Variants in DYSF observed in about 807,000 individuals in gnomAD.
DYSF encodes dysferlin, also known as dystrophy-associated fer-1-like 1.
A neutral mutation model predicts 274.9 loss-of-function variants in DYSF; 212 were observed. The ratio of observed to expected loss-of-function variants is 0.77; its 90% CI spans 0.69 to 0.86. DYSF has a LOEUF of 0.86. Ranked by LOEUF, DYSF falls within the 40% of genes least tolerant of loss-of-function variation. The probability of loss-of-function intolerance (pLI) is 0.00; values close to 1 mark genes in which losing one functional copy is unlikely to be tolerated. For missense variants in DYSF, 2,666 were observed against 2,783.2 expected (o/e 0.96, Z 0.95); for synonymous variants, 1,091 against 1,078.7 (o/e 1.01, Z -0.22).
intron 32 of DYSF, among the ~76,000 whole-genome samples, chr2:71,597,519 C>G (rs2093433380): frequency 6.6e-6 from 1 of 152,198 alleles, no homozygotes; most frequent in African/African-American, 2.4e-5. Context: ...CATTCTCCAG[C>G]CCACCCCGGC....
At chr2:71,667,256 C>A in intron 47 of DYSF, 120 bp from the exon 48 acceptor site, 1 of 1,428,652 alleles carries the variant, frequency 7.0e-7, no homozygotes, top group Non-Finnish European at 9.8e-7. Flanking sequence ...GGGGGTGAGG[C>A]TGCGGGGGTT....
chr2:71,539,048 C>T, intron 16 of DYSF, 109 bp from the exon 17 acceptor site: 1 of 946,098 alleles, frequency 1.1e-6, no homozygotes, highest in Non-Finnish European at 1.7e-6. Context: ...CGCTCTCTGC[C>T]TGCCCCCCGC....
chr2:71,562,344 G>A (rs1182985491), intron 23 of DYSF, among the ~76,000 whole-genome samples: 1 of 152,100 alleles, frequency 6.6e-6, no homozygotes, highest in Non-Finnish European at 1.5e-5. Context: ...CCAACAACCT[G>A]CCCTGCCTGG....
intron 4 of DYSF, 134 bp from the exon 5 acceptor site, chr2:71,511,673 A>C: frequency 1.4e-6 from 1 of 721,598 alleles, no homozygotes; most frequent in Non-Finnish European, 2.5e-6. Context: ...TGGCTTTGCC[A>C]CAGCCTCCTG....
intron 4 of DYSF, among the ~76,000 whole-genome samples, chr2:71,505,103 C>T (rs1178534012): frequency 6.6e-6 from 1 of 152,240 alleles, no homozygotes; most frequent in East Asian, 1.9e-4. Flanking sequence ...AGCCTCCTCC[C>T]TGTTGCCCAG....
intron 3 of DYSF, among the ~76,000 whole-genome samples, chr2:71,497,869 T>A (rs748199594): frequency 2.0e-5 from 3 of 152,226 alleles, no homozygotes; most frequent in Non-Finnish European, 4.4e-5. Flanking sequence ...AAGACCTAAG[T>A]GTCTAACTTC....
rs2093792924 is a variant in DYSF, at chr2:71,612,703, G to A, written c.4284G>A (p.Gln1428=). ...CCGTCAAGGTCATCGATAACCGCCA[G>A]TTTGGCCGCCGGCCTGTGGTGGGCC... ...PITVKVIDNR[Q]FGRRPVVGQC... is the part of the protein sequence containing the mutation. Residue 1428 remains glutamine (Q), a synonymous_variant, in exon 39 of 56, where the codon CAG becomes CAA. Coordinates refer to ENST00000410020, the MANE Select transcript of DYSF (RefSeq NM_001130987.2). The A allele has an allele frequency of 6.2e-7, 1 of 1,614,098 alleles. No homozygotes were observed. The highest frequency in any genetic ancestry group is 8.5e-7 in the Non-Finnish European group (1 of 1,180,040).
At chr2:71,555,940 T>C (rs773402684) in intron 21 of DYSF, 25 bp from the exon 22 acceptor site, 74 of 1,542,868 alleles carry the variant, frequency 4.8e-5, no homozygotes, top group Middle Eastern at 1.8e-4. Context: ...GTGACACACC[T>C]GACCCTTGCC....
intron 1 of DYSF, among the ~76,000 whole-genome samples, chr2:71,472,469 C>T (rs188174048): frequency 1.1e-3 from 166 of 152,238 alleles, no homozygotes; most frequent in Non-Finnish European, 1.7e-3. Context: ...TGGAGTGGCG[C>T]GATCTCGGCT....
At chr2:71,674,716 C>G (rs749629185) in intron 52 of DYSF, among the ~76,000 whole-genome samples, 5 of 152,208 alleles carry the variant, frequency 3.3e-5, no homozygotes, top group Non-Finnish European at 5.9e-5. Context: ...AACCCAGGCT[C>G]TATCCCCATT....
At chr2:71,633,048 C>T (rs968899595) in intron 41 of DYSF, among the ~76,000 whole-genome samples, 7 of 152,216 alleles carry the variant, frequency 4.6e-5, no homozygotes, top group Non-Finnish European at 8.8e-5. Context: ...TAATGATCCC[C>T]TCCACAGATG....
chr2:71,614,357 C>T (rs1158304851), intron 40 of DYSF, among the ~76,000 whole-genome samples: 1 of 152,214 alleles, frequency 6.6e-6, no homozygotes, highest in East Asian at 1.9e-4. Flanking sequence ...TGTCCTCGGG[C>T]CTTGCTGCAT....
intron 33 of DYSF, 78 bp from the exon 34 acceptor site, chr2:71,600,624 T>C: frequency 6.2e-7 from 1 of 1,603,788 alleles, no homozygotes; most frequent in Non-Finnish European, 8.5e-7. Flanking sequence ...AGAAGGCACA[T>C]GTAGACCTGA....
rs765807687 is a variant in DYSF, at chr2:71,526,235, C to T, written c.1165C>T (p.Pro389Ser). ...TTCTTTGTAGCTGGAGAGAAAAGAC[C>T]CCTCTGAAGACAAGGAGGACATTGA... is the stretch of plus-strand genomic sequence containing the variant. ...GDEAPLERKD[P>S]SEDKEDIESN... Residue 389 changes from proline (P) to serine (S), a missense_variant, in exon 13 of 56, where the codon CCC becomes TCC. Pro to Ser is a moderately conservative substitution (Grantham distance 74, BLOSUM62 -1). Around this residue, in one of 3 missense-constraint regions of DYSF, gnomAD observed 794 missense variants for 777.1 expected, o/e 1.02. Transcript: ENST00000410020. The T allele has an allele frequency of 3.7e-6, 6 of 1,614,110 alleles. No individual in the cohort carries two copies. In the African/African-American group the frequency reaches 6.7e-5, roughly 18 times the overall value.
chr2:71,667,285 T>G lies in DYSF; in HGVS notation c.5318-91T>G, dbSNP rs574433551. 3.4e-5 allele frequency: 54 copies of G among 1,596,174 alleles called. No homozygotes were observed. In the African/African-American group the frequency reaches 7.0e-4, roughly 21 times the overall value. On this transcript the variant is annotated intron_variant, in intron 47 of 55. Transcript: ENST00000410020. ...GGGGGTTAGAGCTTCTTATGACTCT[T>G]AGGCAGCCCTGCTCAGCCTGTTCAC... is the stretch of plus-strand genomic sequence containing the variant.
intron 12 of DYSF, among the ~76,000 whole-genome samples, chr2:71,521,971 A>G (rs1210757541): frequency 1.3e-5 from 2 of 151,674 alleles, no homozygotes; most frequent in African/African-American, 2.4e-5. Context: ...GTGGTCCTCA[A>G]CTTGCCCCCC....
In DYSF at chr2:71,669,644, C is replaced by A. The variant is rs780040380; in HGVS notation, c.5682C>A (p.Asp1894Glu). The A allele has an allele frequency of 6.2e-7, 1 of 1,614,168 alleles. No homozygotes were observed. Among genetic ancestry groups the A allele is most frequent in the Non-Finnish European group, 8.5e-7 (1 of 1,180,032 alleles). ...IGFEEHKQKT[D>E]VHYRSLGGEG... is the part of the protein sequence containing the mutation. The stretch of plus-strand genomic sequence containing the variant: ...TTGAAGAACACAAGCAAAAGACAGA[C>A]GTGCATTATCGTTCCCTGGGAGGTG... Residue 1894 changes from aspartate to glutamate, a missense_variant, in exon 51 of 56, where the codon GAC (aspartate) becomes GAA (glutamate). Physicochemically the swap from Asp to Glu is conservative, Grantham distance 45. Transcript: ENST00000410020.
At chr2:71,607,847 A>T (rs2093673964) in intron 36 of DYSF, among the ~76,000 whole-genome samples, 1 of 152,174 alleles carries the variant, frequency 6.6e-6, no homozygotes, top group African/African-American at 2.4e-5. Context: ...GTTCAGTGTG[A>T]GAGGCCAGTA....
intron 22 of DYSF, among the ~76,000 whole-genome samples, chr2:71,557,764 G>A (rs1201028301): frequency 1.3e-5 from 2 of 152,160 alleles, no homozygotes; most frequent in African/African-American, 4.8e-5. Flanking sequence ...CTAGAAAGTA[G>A]GCTGGGTGTG....
Sources: allele counts gnomAD v4.1 joint callset (sites outside exome capture counted in the v4.1 genomes callset), GRCh38; gene constraint gnomAD v4.1.1; regional missense constraint gnomAD v4.1.1; transcripts MANE v1.5; gene names NCBI Gene and HGNC (gene_info 2026-07-23, HGNC 2026-07-21).